Variants in SGCD observed in about 807,000 individuals in gnomAD.
SGCD encodes the protein delta-sarcoglycan.
A neutral mutation model predicts 36.6 loss-of-function variants in SGCD; 18 were observed. The observed-to-expected ratio is 0.49, with a 90% CI of 0.34 to 0.73. The LOEUF is 0.73. SGCD is among the 30% of genes least tolerant of loss of function. SGCD has a pLI of 0.01. For synonymous variants in SGCD, 133 were observed against 130.6 expected, an observed-to-expected ratio of 1.02 and a Z score of -0.12; for missense variants, 387 against 346.7, an observed-to-expected ratio of 1.12 and a Z score of -0.92.
chr5:155,832,701 A>G, the SGCD span, among the ~76,000 whole-genome samples: 1 of 150,680 alleles, frequency 6.6e-6, no homozygotes, highest in African/African-American at 2.4e-5. Context: ...TATAATAGAC[A>G]TGCAAAAAAA....
At chr5:155,780,806 C>T in the SGCD span, among the ~76,000 whole-genome samples, 3 of 151,944 alleles carry the variant, frequency 2.0e-5, no homozygotes, top group Admixed American at 6.6e-5. Flanking sequence ...ATTTTTTGAC[C>T]TCTCATTTGA....
chr5:156,181,000 C>G (rs192020157), intron 3 of SGCD, among the ~76,000 whole-genome samples: 4 of 152,282 alleles, frequency 2.6e-5, no homozygotes, highest in Non-Finnish European at 4.4e-5. Flanking sequence ...GGTCTTAAGA[C>G]AAATGCATTT....
chr5:155,921,976 G>T (rs975809268), intron 1 of SGCD, among the ~76,000 whole-genome samples: 1 of 152,176 alleles, frequency 6.6e-6, no homozygotes, highest in African/African-American at 2.4e-5. Context: ...CTCTGGAAAG[G>T]GCAGTGGACT....
At chr5:156,725,421 G>A (rs979453188) in intron 7 of SGCD, among the ~76,000 whole-genome samples, 3 of 152,278 alleles carry the variant, frequency 2.0e-5, no homozygotes, top group Admixed American at 1.3e-4. Context: ...TGGATGAACT[G>A]GTTAGAAAGA....
rs139218496 is a variant in SGCD, at chr5:156,083,386, C to T, written c.-281-34492C>T. Among the ~76,000 whole-genome samples the T allele has an allele frequency of 4.9e-3, 740 of 151,900 alleles. 5 individuals carry two copies. Among genetic ancestry groups the T allele is most frequent in the African/African-American group, 0.017 (718 of 41,390 alleles). On this transcript the variant is annotated intron_variant, in intron 1 of 9. Transcript: ENST00000517913. ...CTCGGCTCACTGCAGCCTCCGCCTC[C>T]CAGGTCCAAGTGATTCTCCCACCAC...
intron 1 of SGCD, among the ~76,000 whole-genome samples, chr5:156,061,994 C>T (rs1319015260): frequency 1.3e-5 from 1 of 75,384 alleles, no homozygotes; most frequent in East Asian, 3.0e-4. Flanking sequence ...AGGTTAGTTA[C>T]ATATGTATAC....
chr5:155,931,085 T>C (rs1347234217), intron 1 of SGCD, among the ~76,000 whole-genome samples: 5 of 152,188 alleles, frequency 3.3e-5, no homozygotes, highest in Admixed American at 2.6e-4. Context: ...AATATGTTGA[T>C]GGGATATGTT....
At chr5:156,302,289 G>C (rs1767074470) in intron 3 of SGCD, among the ~76,000 whole-genome samples, 1 of 151,586 alleles carries the variant, frequency 6.6e-6, no homozygotes, top group Non-Finnish European at 1.5e-5. Flanking sequence ...GATCAGTTCT[G>C]TTGTTGAGAG....
At chr5:156,423,433 A>G (rs1367662256) in intron 3 of SGCD, among the ~76,000 whole-genome samples, 2 of 126,528 alleles carry the variant, frequency 1.6e-5, no homozygotes, top group African/African-American at 6.1e-5. Context: ...TTAATAAAAT[A>G]TAATATATTT....
At position 156,656,567 on chromosome 5, in the gene SGCD, G is replaced by T. The variant is rs528729017; in HGVS notation, c.575+9031G>T. ...CTGTAACTCCTCAAAATGTTACTGG[G>T]TATTTACAAAAATTGATTTTTGTAA... On this transcript the variant is annotated intron_variant, in intron 7 of 8. Transcript: ENST00000337851. Among the ~76,000 whole-genome samples, 10 of 152,166 alleles carry T rather than the reference G, an allele frequency of 6.6e-5. No individual in the cohort carries two copies. The East Asian group carries it at 1.4e-3, about 21-fold the overall frequency.
At chr5:156,594,493 A>G (rs1361308824) in intron 5 of SGCD, among the ~76,000 whole-genome samples, 4 of 152,182 alleles carry the variant, frequency 2.6e-5, no homozygotes, top group Non-Finnish European at 5.9e-5. Context: ...AGTTAAACAC[A>G]TTTCAGCTGA....
At chr5:156,432,320 T>C (rs572812730) in intron 3 of SGCD, among the ~76,000 whole-genome samples, 2 of 152,344 alleles carry the variant, frequency 1.3e-5, no homozygotes, top group Middle Eastern at 3.4e-3. Flanking sequence ...GTGGTGGAAT[T>C]GGCTGTTATT....
chr5:156,506,196 A>G (rs978133880), intron 3 of SGCD, among the ~76,000 whole-genome samples: 7 of 152,232 alleles, frequency 4.6e-5, no homozygotes, highest in African/African-American at 1.7e-4. Flanking sequence ...TTGTGAGTTA[A>G]ATGAATAATC....
intron 1 of SGCD, among the ~76,000 whole-genome samples, chr5:156,080,074 C>G (rs1451895585): frequency 1.3e-5 from 2 of 152,254 alleles, no homozygotes; most frequent in African/African-American, 4.8e-5. Flanking sequence ...TGCTTTCACT[C>G]TGTATGCCTA....
chr5:155,990,923 C>T (rs950792857), intron 1 of SGCD, among the ~76,000 whole-genome samples: 1 of 152,200 alleles, frequency 6.6e-6, no homozygotes, highest in Admixed American at 6.5e-5. Flanking sequence ...AAATCTGTTA[C>T]ACTTTTTTCT....
At chr5:156,531,349 C>A (rs1330189459) in intron 4 of SGCD, among the ~76,000 whole-genome samples, 1 of 152,160 alleles carries the variant, frequency 6.6e-6, no homozygotes, top group Non-Finnish European at 1.5e-5. Flanking sequence ...GGCTGGGGTT[C>A]TTTTGGTTGT....
intron 4 of SGCD, among the ~76,000 whole-genome samples, chr5:156,566,668 AG>A (rs1231687575): frequency 2.0e-5 from 3 of 152,190 alleles, no homozygotes; most frequent in Non-Finnish European, 2.9e-5. Flanking sequence ...CACTATTCTA[AG>A]TGAAAAAATC....
intron 7 of SGCD, among the ~76,000 whole-genome samples, chr5:156,710,376 C>T (rs1004636667): frequency 6.6e-6 from 1 of 152,062 alleles, no homozygotes; most frequent in African/African-American, 2.4e-5. Context: ...TTCCATTTTT[C>T]AAATCCAGAG....
At chr5:156,090,888 A>G (rs1207561559) in intron 1 of SGCD, among the ~76,000 whole-genome samples, 2 of 152,234 alleles carry the variant, frequency 1.3e-5, no homozygotes, top group Non-Finnish European at 2.9e-5. Context: ...GCTCCCTGCC[A>G]GAAGAAAAAT....
Sources: gnomAD v4.1 joint callset for allele counts (sites outside exome capture counted in the v4.1 genomes callset) on GRCh38, gnomAD v4.1.1 for gene constraint, MANE v1.5 for transcripts, NCBI Gene and HGNC (gene_info 2026-07-23, HGNC 2026-07-21) for gene names.